Variants in FAM168A observed in about 807,000 individuals in gnomAD.
FAM168A encodes family with sequence similarity 168 member A.
In FAM168A, 3 loss-of-function variants were observed where a neutral mutation model predicts 28.5. The observed-to-expected ratio is 0.11, with a 90% CI of 0.05 to 0.27. FAM168A has a LOEUF of 0.27. Among genes scored for constraint, FAM168A ranks in the 10% least tolerant of loss-of-function variants. The pLI is 1.00. For missense variants in FAM168A, 222 were observed against 311.5 expected (o/e 0.71, Z 2.16); for synonymous variants, 122 against 124.2 (o/e 0.98, Z 0.12).
At chr11:73,558,897 T>A (rs1168617738) in intron 1 of FAM168A, among the ~76,000 whole-genome samples, 1 of 152,202 alleles carries the variant, frequency 6.6e-6, no homozygotes, top group African/African-American at 2.4e-5. Flanking sequence ...GCAGCTCCTC[T>A]GCTAGTTAAA....
At chr11:73,569,579 T>G (rs1944061569) in intron 1 of FAM168A, among the ~76,000 whole-genome samples, 1 of 152,130 alleles carries the variant, frequency 6.6e-6, no homozygotes, top group South Asian at 2.1e-4. Context: ...ATCCCAGCAC[T>G]TTGGGAAGCC....
intron 2 of FAM168A, among the ~76,000 whole-genome samples, chr11:73,455,863 C>G (rs1382528784): frequency 2.0e-5 from 3 of 152,288 alleles, no homozygotes; most frequent in African/African-American, 7.2e-5. Flanking sequence ...ACTGCTTTCT[C>G]TTTTAACAGC....
chr11:73,564,359 C>A (rs1943993897), intron 1 of FAM168A, among the ~76,000 whole-genome samples: 1 of 152,118 alleles, frequency 6.6e-6, no homozygotes, highest in African/African-American at 2.4e-5. Flanking sequence ...CAAATGTCCA[C>A]CTCAAGGAAC....
At chr11:73,520,707 G>GGAT (rs1015169002) in intron 1 of FAM168A, among the ~76,000 whole-genome samples, 7 of 152,140 alleles carry the variant, frequency 4.6e-5, no homozygotes, top group Admixed American at 1.3e-4. Flanking sequence ...TGTCACCAAA[G>GGAT]GATGCCCTGT....
intron 4 of FAM168A, among the ~76,000 whole-genome samples, 170 bp downstream of exon 4, chr11:73,419,704 G>A (rs1022997881): frequency 8.5e-5 from 13 of 152,182 alleles, no homozygotes; most frequent in Non-Finnish European, 1.8e-4. Flanking sequence ...TGATCAAAGA[G>A]AATGACCTTT....
intron 3 of FAM168A, among the ~76,000 whole-genome samples, chr11:73,424,069 AG>A (rs1301517108): frequency 9.2e-5 from 14 of 152,234 alleles, no homozygotes; most frequent in African/African-American, 3.1e-4. Flanking sequence ...ATAAGAGGAC[AG>A]TGTATTAGCA....
chr11:73,590,845 G>A (rs886344511), intron 1 of FAM168A, among the ~76,000 whole-genome samples: 1 of 152,004 alleles, frequency 6.6e-6, no homozygotes, highest in East Asian at 1.9e-4. Context: ...GTCTAAATAG[G>A]TTGAAGACTA....
intron 1 of FAM168A, among the ~76,000 whole-genome samples, chr11:73,540,971 A>G (rs1943646499): frequency 6.6e-6 from 1 of 152,106 alleles, no homozygotes; most frequent in South Asian, 2.1e-4. Flanking sequence ...TTGGGAGGAC[A>G]AGGCAGGAGA....
intron 1 of FAM168A, among the ~76,000 whole-genome samples, chr11:73,593,837 C>T (rs952943247): frequency 2.0e-5 from 3 of 152,162 alleles, no homozygotes; most frequent in Non-Finnish European, 4.4e-5. Flanking sequence ...TTGTGCCCAA[C>T]GTCACACAGC....
At chr11:73,483,937 G>A (rs919777429) in intron 1 of FAM168A, among the ~76,000 whole-genome samples, 2 of 152,236 alleles carry the variant, frequency 1.3e-5, no homozygotes, top group Admixed American at 1.3e-4. Context: ...TTGTATGGGG[G>A]AAGTATAATA....
intron 1 of FAM168A, among the ~76,000 whole-genome samples, chr11:73,592,655 G>T (rs1490293748): frequency 6.6e-6 from 1 of 151,996 alleles, no homozygotes; most frequent in Non-Finnish European, 1.5e-5. Flanking sequence ...GGGGCTTCAG[G>T]AAGGAGAAGA....
intron 1 of FAM168A, among the ~76,000 whole-genome samples, chr11:73,593,838 G>A (rs561165333): frequency 2.6e-5 from 4 of 152,168 alleles, no homozygotes; most frequent in African/African-American, 7.2e-5. Flanking sequence ...TGTGCCCAAC[G>A]TCACACAGCT....
intron 2 of FAM168A, among the ~76,000 whole-genome samples, chr11:73,439,309 G>GTTACCT (rs1867150742): frequency 1.3e-5 from 2 of 152,180 alleles, no homozygotes; most frequent in Non-Finnish European, 2.9e-5. Context: ...TAACAAGACA[G>GTTACCT]GAGGAAATAT....
intron 1 of FAM168A, among the ~76,000 whole-genome samples, chr11:73,532,783 T>C (rs182236785): frequency 4.2e-4 from 64 of 152,360 alleles, no homozygotes; most frequent in African/African-American, 1.2e-3. Flanking sequence ...TTAGGGCGGA[T>C]GCATCATGCA....
At chr11:73,406,918 G>A (rs1360298866) in intron 7 of FAM168A, among the ~76,000 whole-genome samples, 174 bp from the exon 8 acceptor site, 3 of 152,142 alleles carry the variant, frequency 2.0e-5, no homozygotes, top group Non-Finnish European at 4.4e-5. Flanking sequence ...ATGATGTGGG[G>A]GGCCAGAGGA....
intron 1 of FAM168A, among the ~76,000 whole-genome samples, chr11:73,589,355 T>C (rs970495191): frequency 4.6e-5 from 7 of 152,248 alleles, no homozygotes; most frequent in African/African-American, 1.7e-4. Context: ...TACAAGGCAA[T>C]GAACCTTAAC....
chr11:73,463,555 C>T (rs745702248), intron 2 of FAM168A, among the ~76,000 whole-genome samples: 108 of 152,242 alleles, frequency 7.1e-4, no homozygotes, highest in Admixed American at 6.5e-4. Flanking sequence ...AATGGTTTGC[C>T]ACAGCCCTAG....
intron 2 of FAM168A, among the ~76,000 whole-genome samples, chr11:73,439,420 C>A (rs952152486): frequency 6.6e-6 from 1 of 152,116 alleles, no homozygotes; most frequent in African/African-American, 2.4e-5. Context: ...CTAGGCTGAG[C>A]CCTAGCACAG....
At chr11:73,411,224 G>A (rs1866604301) in intron 5 of FAM168A, among the ~76,000 whole-genome samples, 170 bp downstream of exon 5, 1 of 152,238 alleles carries the variant, frequency 6.6e-6, no homozygotes, top group Non-Finnish European at 1.5e-5. Context: ...GAGGTGGAGT[G>A]AGGGAGTAAG....
Sources: allele counts gnomAD v4.1 joint callset (sites outside exome capture counted in the v4.1 genomes callset), GRCh38; gene constraint gnomAD v4.1.1; transcripts MANE v1.5; gene names NCBI Gene and HGNC (gene_info 2026-07-23, HGNC 2026-07-21).